The following NLGN1 variants were observed in gnomAD, a reference collection of about 807,000 sequenced individuals.
NLGN1 encodes neuroligin 1.
In NLGN1, 12 loss-of-function variants were observed where a neutral mutation model predicts 65.5. That is an observed-to-expected ratio of 0.18 (90% confidence interval 0.12 to 0.30). The LOEUF (loss-of-function observed/expected upper bound fraction) is 0.30, where lower values mean the gene tolerates loss of function less well. Ranked by LOEUF, NLGN1 falls within the 10% of genes least tolerant of loss-of-function variation. The pLI is 1.00. For missense variants in NLGN1, 750 were observed against 1,007.1 expected, an observed-to-expected ratio of 0.74 and a Z score of 3.46; for synonymous variants, 350 against 359.5, an observed-to-expected ratio of 0.97 and a Z score of 0.30.
At chr3:174,102,704 G>A (rs1040069673) in intron 4 of NLGN1, among the ~76,000 whole-genome samples, 2 of 152,166 alleles carry the variant, frequency 1.3e-5, no homozygotes, top group African/African-American at 4.8e-5. Flanking sequence ...GGCCTTGATA[G>A]TGTTGACAGC....
chr3:173,647,741 C>A (rs1446631098), intron 3 of NLGN1, among the ~76,000 whole-genome samples: 1 of 152,036 alleles, frequency 6.6e-6, no homozygotes, highest in African/African-American at 2.4e-5. Context: ...TTAAAGGCAT[C>A]AGCTTCATTT....
At chr3:174,083,903 A>G (rs1742760654) in intron 4 of NLGN1, among the ~76,000 whole-genome samples, 1 of 152,190 alleles carries the variant, frequency 6.6e-6, no homozygotes, top group Admixed American at 6.5e-5. Flanking sequence ...GCTGCACATT[A>G]TGAAGAAACA....
intron 3 of NLGN1, among the ~76,000 whole-genome samples, chr3:173,733,859 A>T (rs974483238): frequency 1.6e-4 from 25 of 152,128 alleles, no homozygotes. Flanking sequence ...CATACCACCA[A>T]ATTCAACAAG....
intron 4 of NLGN1, among the ~76,000 whole-genome samples, chr3:173,811,887 A>G (rs1578561803): frequency 6.6e-6 from 1 of 152,208 alleles, no homozygotes; most frequent in East Asian, 1.9e-4. Context: ...TAAATTCAGA[A>G]TAAATCTTTA....
chr3:173,992,681 G>A (rs956675173), intron 4 of NLGN1, among the ~76,000 whole-genome samples: 1 of 152,046 alleles, frequency 6.6e-6, no homozygotes, highest in Non-Finnish European at 1.5e-5. Context: ...TAGTTTTAAG[G>A]CACTCTAGGG....
intron 2 of NLGN1, among the ~76,000 whole-genome samples, chr3:173,552,115 A>G (rs1740963791): frequency 6.6e-6 from 1 of 152,324 alleles, no homozygotes; most frequent in South Asian, 2.1e-4. Flanking sequence ...ACTATCACAC[A>G]TGAGAAAATT....
At chr3:173,463,117 G>T (rs1218099199) in intron 2 of NLGN1, among the ~76,000 whole-genome samples, 1 of 152,152 alleles carries the variant, frequency 6.6e-6, no homozygotes, top group African/African-American at 2.4e-5. Flanking sequence ...TTTGTTTCCA[G>T]ACTATGGGCT....
chr3:173,473,208 T>A (rs893420177), intron 2 of NLGN1, among the ~76,000 whole-genome samples: 46 of 152,292 alleles, frequency 3.0e-4, no homozygotes, highest in Non-Finnish European at 5.4e-4. Context: ...ATGTTATGTC[T>A]CTGAATTTGT....
intron 3 of NLGN1, among the ~76,000 whole-genome samples, chr3:173,707,297 A>T (rs1390619639): frequency 6.6e-6 from 1 of 152,166 alleles, no homozygotes; most frequent in Non-Finnish European, 1.5e-5. Flanking sequence ...AGAATATGAG[A>T]CATGCAGTCA....
intron 2 of NLGN1, among the ~76,000 whole-genome samples, chr3:173,592,864 C>T (rs1479691493): frequency 6.6e-6 from 1 of 152,064 alleles, no homozygotes; most frequent in African/African-American, 2.4e-5. Context: ...ATCTCACACC[C>T]CTAAAATGGC....
intron 4 of NLGN1, among the ~76,000 whole-genome samples, chr3:173,863,561 G>C (rs1306224294): frequency 6.6e-6 from 1 of 152,168 alleles, no homozygotes; most frequent in Non-Finnish European, 1.5e-5. Context: ...AAGTCATTCT[G>C]AATATCTTTA....
At chr3:173,684,071 T>C (rs1219529999) in intron 3 of NLGN1, among the ~76,000 whole-genome samples, 1 of 152,172 alleles carries the variant, frequency 6.6e-6, no homozygotes, top group Admixed American at 6.5e-5. Context: ...AGTATATTGT[T>C]ATTATTACTT....
intron 3 of NLGN1, among the ~76,000 whole-genome samples, chr3:173,635,133 G>T (rs1756377380): frequency 6.6e-6 from 1 of 152,054 alleles, no homozygotes; most frequent in African/African-American, 2.4e-5. Flanking sequence ...TAATATGAAT[G>T]ATAACAAAAT....
At chr3:173,688,003 G>T (rs1411362044) in intron 3 of NLGN1, among the ~76,000 whole-genome samples, 1 of 152,126 alleles carries the variant, frequency 6.6e-6, no homozygotes, top group Non-Finnish European at 1.5e-5. Flanking sequence ...TAATAATAAG[G>T]CATACTAGTG....
At chr3:173,831,317 A>G (rs1722506146) in intron 4 of NLGN1, among the ~76,000 whole-genome samples, 1 of 152,202 alleles carries the variant, frequency 6.6e-6, no homozygotes, top group African/African-American at 2.4e-5. Flanking sequence ...CACATCTCTT[A>G]TCTGCAAAAT....
At chr3:173,562,950 T>C (rs1412631310) in intron 2 of NLGN1, among the ~76,000 whole-genome samples, 1 of 152,026 alleles carries the variant, frequency 6.6e-6, no homozygotes, top group African/African-American at 2.4e-5. Flanking sequence ...TGTCCAAGGC[T>C]GAACTATTTA....
chr3:174,189,286 A>G (rs1731956280), intron 4 of NLGN1, among the ~76,000 whole-genome samples: 1 of 152,032 alleles, frequency 6.6e-6, no homozygotes, highest in Non-Finnish European at 1.5e-5. Context: ...CTCAGATGAG[A>G]GAAATAAACC....
chr3:173,734,715 C>G (rs1773462282), intron 3 of NLGN1, among the ~76,000 whole-genome samples: 1 of 151,874 alleles, frequency 6.6e-6, no homozygotes, highest in Admixed American at 6.6e-5. Flanking sequence ...TATTAATTCA[C>G]TAGTAACAAG....
intron 4 of NLGN1, among the ~76,000 whole-genome samples, chr3:173,953,120 C>T (rs184806477): frequency 6.6e-6 from 1 of 152,254 alleles, no homozygotes; most frequent in Admixed American, 6.5e-5. Context: ...CATGATTACT[C>T]TGCTGTTTAT....
Sources: allele counts gnomAD v4.1 joint callset (sites outside exome capture counted in the v4.1 genomes callset), GRCh38; gene constraint gnomAD v4.1.1; transcripts MANE v1.5; gene names NCBI Gene and HGNC (gene_info 2026-07-23, HGNC 2026-07-21).